Variants in ASPH observed in about 807,000 individuals in gnomAD.
The protein encoded by ASPH is aspartyl/asparaginyl beta-hydroxylase.
Under a neutral mutation model 118.4 loss-of-function variants are expected in ASPH, and 100 were observed. The ratio of observed to expected loss-of-function variants is 0.84; its 90% CI spans 0.72 to 1.00. ASPH has a LOEUF of 1.00. Ranked by LOEUF, ASPH falls within the 50% of genes least tolerant of loss-of-function variation. ASPH has a pLI of 0.00. For synonymous variants in ASPH, 315 were observed against 325.6 expected (o/e 0.97, Z 0.35); for missense variants, 920 against 919.5 (o/e 1.00, Z -0.01).
Position 61,583,862 on chromosome 8 carries a change from AT to A in ASPH, c.1062+81del, listed in dbSNP as rs35353831. The A allele has an allele frequency of 0.052, 42,065 of 811,372 alleles. 107 individuals are homozygous for A. Among genetic ancestry groups the A allele is most frequent in the East Asian group, 0.19 (6,254 of 32,972 alleles). 50.3% of individuals were successfully genotyped at this position (811,372 alleles called of 1,614,324 possible). ...AACTGTTGTTTCTTTTACACTTACT[AT>A]TTTTTTTTTTTTTAACAAATCAAGA... On this transcript the variant is annotated intron_variant, in intron 15 of 24. Coordinates refer to ENST00000379454, the MANE Select transcript of ASPH (RefSeq NM_004318.4).
intron 18 of ASPH, among the ~76,000 whole-genome samples, chr8:61,560,624 A>C (rs1007233599): frequency 2.0e-5 from 3 of 152,158 alleles, no homozygotes; most frequent in Non-Finnish European, 4.4e-5. Context: ...AAACTCATTC[A>C]ATTGAATAAT....
At chr8:61,565,348 C>G (rs1554639835) in intron 17 of ASPH, among the ~76,000 whole-genome samples, 1 of 152,020 alleles carries the variant, frequency 6.6e-6, no homozygotes, top group Non-Finnish European at 1.5e-5. Context: ...ATAATTTCAA[C>G]CTCCATGAAT....
intron 13 of ASPH, chr8:61,624,789 A>G: frequency 1.0e-6 from 1 of 985,808 alleles, no homozygotes; most frequent in Non-Finnish European, 1.2e-6. Flanking sequence ...AGTTTCCCTA[A>G]AAAAATATGG....
chr8:61,518,809 C>T (rs980555083), intron 22 of ASPH, among the ~76,000 whole-genome samples: 1 of 152,180 alleles, frequency 6.6e-6, no homozygotes, highest in Non-Finnish European at 1.5e-5. Context: ...AGGGTCATGA[C>T]TTTTCTCTGC....
At chr8:61,513,518 G>T (rs1269595490) in intron 24 of ASPH, among the ~76,000 whole-genome samples, 4 of 152,184 alleles carry the variant, frequency 2.6e-5, no homozygotes, top group African/African-American at 9.7e-5. Flanking sequence ...GAGAAGGGCT[G>T]CTGACCAGCA....
intron 20 of ASPH, among the ~76,000 whole-genome samples, chr8:61,550,972 G>A (rs147750948): frequency 9.7e-4 from 148 of 152,246 alleles, no homozygotes; most frequent in African/African-American, 3.0e-3. Flanking sequence ...CTGGGAAGAC[G>A]GGAATATCAT....
intron 21 of ASPH, among the ~76,000 whole-genome samples, chr8:61,526,346 A>G (rs558504070): frequency 1.1e-3 from 169 of 152,332 alleles, no homozygotes; most frequent in African/African-American, 3.9e-3. Flanking sequence ...TAACTCCTAG[A>G]AACTTCACAG....
chr8:61,678,190 G>A (rs1589091745), intron 3 of ASPH, among the ~76,000 whole-genome samples: 2 of 152,058 alleles, frequency 1.3e-5, no homozygotes, highest in African/African-American at 4.8e-5. Context: ...TGCCAGCTAG[G>A]TGCTAGCCAT....
chr8:61,704,571 G>A (rs918222672), intron 1 of ASPH, among the ~76,000 whole-genome samples: 1 of 152,026 alleles, frequency 6.6e-6, no homozygotes, highest in Non-Finnish European at 1.5e-5. Context: ...TATAGACTGG[G>A]AGAAATATGT....
At position 61,653,722 on chromosome 8, in the gene ASPH, C is replaced by A. The variant is rs541698468; in HGVS notation, c.323-62G>T. The A allele has an allele frequency of 8.4e-5, 124 of 1,478,964 alleles. 1 individual carries two copies. In the South Asian group the frequency reaches 1.3e-3, roughly 16 times the overall value. The allele number at this position is 1,478,964 out of a possible 1,614,324, so 91.6% of individuals were successfully genotyped here. On this transcript the variant is annotated intron_variant, in intron 3 of 24. Transcript: ENST00000379454. ...TGTGGGGTTTTCTGTCACATTAAAC[C>A]AGGAAAAATAATATTTTCAAACATT...
chr8:61,576,258 T>G (rs934991895), intron 16 of ASPH, among the ~76,000 whole-genome samples: 1 of 152,024 alleles, frequency 6.6e-6, no homozygotes, highest in African/African-American at 2.4e-5. Context: ...ACATGCTTCA[T>G]GAAAGGAGTT....
intron 14 of ASPH, among the ~76,000 whole-genome samples, chr8:61,586,698 C>A (rs1839567480): frequency 1.3e-5 from 2 of 152,212 alleles, no homozygotes; most frequent in Admixed American, 1.3e-4. Flanking sequence ...CCTCCACTCT[C>A]TCACCCACAT....
intron 18 of ASPH, among the ~76,000 whole-genome samples, chr8:61,556,433 T>C (rs1382953773): frequency 2.0e-5 from 3 of 152,242 alleles, no homozygotes; most frequent in Non-Finnish European, 2.9e-5. Context: ...CATCACTTCA[T>C]ATACAAGCTT....
chr8:61,578,628 G>C (rs1836197299), intron 15 of ASPH: 2 of 1,559,056 alleles, frequency 1.3e-6, no homozygotes, highest in Non-Finnish European at 1.8e-6. Context: ...GAGCAACATG[G>C]ACAACATGTT....
chr8:61,525,993 G>A lies in ASPH; in HGVS notation c.1884C>T (p.Phe628=). The change falls in exon 22 of 25, where the codon TTC becomes TTT. Residue 628 remains phenylalanine, a synonymous_variant. Coordinates refer to ENST00000379454, the MANE Select transcript of ASPH (RefSeq NM_004318.4). ...NLREKGDWSQ[F]TLWQQGRRNE... ...GAAACTCACCTTGCTGCCACAGCGT[G>A]AACTGGCTCCAGTCCCCTTTTTCCC... 2 of 1,613,938 alleles carry A rather than the reference G, an allele frequency of 1.2e-6. No individual in the cohort carries two copies. The highest frequency in any genetic ancestry group is 1.7e-6 in the Non-Finnish European group (2 of 1,179,908).
chr8:61,516,778 G>A (rs1017168035), intron 24 of ASPH, among the ~76,000 whole-genome samples: 1 of 152,152 alleles, frequency 6.6e-6, no homozygotes, highest in African/African-American at 2.4e-5. Flanking sequence ...CAGCATCATA[G>A]GTACAGAAGC....
intron 17 of ASPH, among the ~76,000 whole-genome samples, chr8:61,564,459 C>T (rs1268541067): frequency 2.6e-5 from 4 of 152,136 alleles, no homozygotes; most frequent in South Asian, 2.1e-4. Flanking sequence ...CCACTATGCC[C>T]GGCTAATTTT....
intron 1 of ASPH, among the ~76,000 whole-genome samples, chr8:61,706,424 A>AAG: frequency 7.5e-6 from 1 of 132,764 alleles, no homozygotes. Flanking sequence ...AAAAAAAAAA[A>AAG]AAAAAGAAGA....
chr8:61,503,695 T>A (rs1236065856), intron 24 of ASPH, among the ~76,000 whole-genome samples, 186 bp from the exon 25 acceptor site: 1 of 152,260 alleles, frequency 6.6e-6, no homozygotes, highest in East Asian at 1.9e-4. Flanking sequence ...GAAATCTTGC[T>A]ATGAACATCA....
Sources: allele counts gnomAD v4.1 joint callset (sites outside exome capture counted in the v4.1 genomes callset), GRCh38; gene constraint gnomAD v4.1.1; transcripts MANE v1.5; gene names NCBI Gene and HGNC (gene_info 2026-07-23, HGNC 2026-07-21).